Variants in MEIS1 observed in about 807,000 individuals in gnomAD.
The protein encoded by MEIS1 is Meis homeobox 1.
In MEIS1, 5 loss-of-function variants were observed where a neutral mutation model predicts 50.8. The observed-to-expected ratio is 0.10, with a 90% CI of 0.05 to 0.21. The LOEUF (loss-of-function observed/expected upper bound fraction) is 0.21. Among genes scored for constraint, MEIS1 ranks in the 10% least tolerant of loss-of-function variants. The probability of loss-of-function intolerance (pLI) is 1.00; values close to 1 mark genes in which losing one functional copy is unlikely to be tolerated. For synonymous variants in MEIS1, 176 were observed against 179.3 expected, an observed-to-expected ratio of 0.98 and a Z score of 0.15; for missense variants, 318 against 517.3, an observed-to-expected ratio of 0.61 and a Z score of 3.74.
intron 8 of MEIS1, among the ~76,000 whole-genome samples, chr2:66,530,620 G>A (rs187300272): frequency 0.013 from 2,042 of 152,216 alleles, 53 homozygotes; most frequent in African/African-American, 0.047. Flanking sequence ...GGAGGCTGAG[G>A]CAGGAGAATG....
At chr2:66,438,017 C>T (rs1443911521) in intron 2 of MEIS1, 54 bp downstream of exon 2, 1 of 1,418,604 alleles carries the variant, frequency 7.0e-7, no homozygotes, top group African/African-American at 1.4e-5. Flanking sequence ...TTCCCTCTTT[C>T]TCTGTGCCCT....
chr2:66,552,262 G>A (rs1674940382), intron 9 of MEIS1, among the ~76,000 whole-genome samples: 1 of 152,140 alleles, frequency 6.6e-6, no homozygotes, highest in African/African-American at 2.4e-5. Flanking sequence ...CCTCAGCAGA[G>A]TTTTGGCCTA....
intron 8 of MEIS1, among the ~76,000 whole-genome samples, chr2:66,531,863 C>T (rs558392389): frequency 1.4e-4 from 22 of 151,968 alleles, no homozygotes; most frequent in Middle Eastern, 3.4e-3. Flanking sequence ...TAAAATCACT[C>T]GACATCCTGT....
intron 8 of MEIS1, among the ~76,000 whole-genome samples, chr2:66,516,947 T>C (rs1673986122): frequency 6.6e-6 from 1 of 152,228 alleles, no homozygotes; most frequent in Non-Finnish European, 1.5e-5. Flanking sequence ...ATCTAATTGG[T>C]ATCTGGATAA....
chr2:66,436,695 CTT>C (rs1318119308), intron 1 of MEIS1, among the ~76,000 whole-genome samples: 2 of 152,210 alleles, frequency 1.3e-5, no homozygotes, highest in African/African-American at 4.8e-5. Context: ...CTTCCAAACT[CTT>C]TTCACACCTC....
Position 66,572,115 on chromosome 2 carries a change from C to T in MEIS1, c.*907C>T, listed in dbSNP as rs368947309. 2.6e-5 allele frequency: 4 copies of T among 152,626 alleles called. No homozygotes were observed. In the South Asian group the frequency reaches 6.2e-4, roughly 24 times the overall value. 9.5% of individuals were successfully genotyped at this position (152,626 alleles called of 1,614,324 possible). A position where few individuals can be genotyped will look rare whatever the true frequency, so the allele number is the denominator to read the frequency against. On this transcript the variant is annotated 3_prime_UTR_variant, in exon 13 of 13. Transcript: ENST00000272369. ...TGAATTGGCCTGAACAGATGTAAAT[C>T]GGGAAGGATGGGAAAAACTGCAGTC...
chr2:66,474,507 G>A (rs773457832), intron 7 of MEIS1, among the ~76,000 whole-genome samples: 1 of 152,030 alleles, frequency 6.6e-6, no homozygotes, highest in Admixed American at 6.6e-5. Flanking sequence ...AGTAGTAGAG[G>A]CTTTGGCTGT....
chr2:66,493,939 A>G (rs984740796), intron 7 of MEIS1, among the ~76,000 whole-genome samples: 2 of 152,182 alleles, frequency 1.3e-5, no homozygotes, highest in Non-Finnish European at 2.9e-5. Context: ...ATCTGTCTGT[A>G]TTTCATTTGG....
At chr2:66,532,674 A>G (rs1434405398) in intron 8 of MEIS1, among the ~76,000 whole-genome samples, 5 of 152,226 alleles carry the variant, frequency 3.3e-5, no homozygotes, top group Admixed American at 2.0e-4. Context: ...ATTAAAATAA[A>G]TGAAGCCATT....
intron 7 of MEIS1, among the ~76,000 whole-genome samples, chr2:66,493,241 G>A (rs1673316948): frequency 6.6e-6 from 1 of 152,090 alleles, no homozygotes; most frequent in Admixed American, 6.6e-5. Flanking sequence ...GGCATAAATT[G>A]GAACTAAATC....
At chr2:66,468,651 C>T (rs1253655934) in intron 7 of MEIS1, among the ~76,000 whole-genome samples, 1 of 152,166 alleles carries the variant, frequency 6.6e-6, no homozygotes, top group Non-Finnish European at 1.5e-5. Flanking sequence ...CTATTTGATA[C>T]ACTGTTTTAC....
chr2:66,569,412 T>C (rs1675430066), intron 12 of MEIS1: 1 of 231,378 alleles, frequency 4.3e-6, no homozygotes, highest in East Asian at 1.0e-4. Flanking sequence ...GGTGGGGGAG[T>C]GGGTTGTCAT....
intron 7 of MEIS1, among the ~76,000 whole-genome samples, chr2:66,478,129 G>T (rs1453324381): frequency 6.6e-6 from 1 of 152,146 alleles, no homozygotes; most frequent in Non-Finnish European, 1.5e-5. Context: ...TCTTCCCCAA[G>T]ATGTGGGTTT....
intron 7 of MEIS1, among the ~76,000 whole-genome samples, chr2:66,483,709 C>T (rs944994647): frequency 1.3e-4 from 20 of 152,162 alleles, no homozygotes; most frequent in African/African-American, 4.8e-4. Flanking sequence ...TGCTTATGTT[C>T]CTTCTATACC....
chr2:66,435,238 T>A lies in MEIS1; in HGVS notation c.-619T>A, dbSNP rs141921655. On this transcript the variant is annotated 5_prime_UTR_variant, in exon 1 of 13. Coordinates refer to ENST00000272369, the MANE Select transcript of MEIS1 (RefSeq NM_002398.3). ...CTTTAAGACAAACTCAGACAGACAT[T>A]TTTTTTAACCCTCCTTCTCTAATCT... The A allele has an allele frequency of 6.6e-6, 1 of 152,600 alleles. No homozygotes were observed. The highest frequency in any genetic ancestry group is 1.9e-4 in the East Asian group (1 of 5,178). The allele number at this position is 152,600 out of a possible 1,614,324, so 9.5% of individuals were successfully genotyped here.
intron 6 of MEIS1, among the ~76,000 whole-genome samples, chr2:66,458,838 C>G (rs1354222627): frequency 2.0e-5 from 3 of 152,156 alleles, no homozygotes; most frequent in Admixed American, 6.5e-5. Context: ...TGTGATGTCT[C>G]TCATATGGGA....
At chr2:66,461,152 G>C (rs150103354) in intron 6 of MEIS1, among the ~76,000 whole-genome samples, 248 of 152,228 alleles carry the variant, frequency 1.6e-3, no homozygotes, top group African/African-American at 5.7e-3. Flanking sequence ...ATTACAAGTG[G>C]CCCCAAGCAA....
At chr2:66,562,118 AGGTATGTGGAAAATGTTGCCT>A (rs1385926049) in intron 9 of MEIS1, 1 of 135,412 alleles carries the variant, frequency 7.4e-6, no homozygotes, top group Non-Finnish European at 1.5e-5. Flanking sequence ...AAAAGGGCAA[AGGTATGTGGAAAATGTTGCCT>A]GTGAAACTGG....
chr2:66,490,409 C>A (rs1047425382), intron 7 of MEIS1, among the ~76,000 whole-genome samples: 2 of 152,134 alleles, frequency 1.3e-5, no homozygotes, highest in Non-Finnish European at 2.9e-5. Flanking sequence ...GACATGGATA[C>A]CTGTTTGGGG....
Sources: gnomAD v4.1 joint callset for allele counts (sites outside exome capture counted in the v4.1 genomes callset) on GRCh38, gnomAD v4.1.1 for gene constraint, MANE v1.5 for transcripts, NCBI Gene and HGNC (gene_info 2026-07-23, HGNC 2026-07-21) for gene names.